SCHIP1: variants seen among roughly 807,000 people sequenced by gnomAD.
The protein encoded by SCHIP1 is schwannomin-interacting protein 1.
In SCHIP1, 8 loss-of-function variants were observed where a neutral mutation model predicts 29.7. The observed-to-expected ratio is 0.27, with a 90% CI of 0.16 to 0.49. The LOEUF (loss-of-function observed/expected upper bound fraction) is 0.49. SCHIP1 is among the 20% of genes least tolerant of loss of function. The pLI, the probability that SCHIP1 is intolerant of heterozygous loss-of-function variation, is 0.99. For synonymous variants in SCHIP1, 76 were observed against 94.9 expected (o/e 0.80, Z 1.16); for missense variants, 193 against 294.6 (o/e 0.66, Z 2.52).
At chr3:159,283,778 A>G in the SCHIP1 span, among the ~76,000 whole-genome samples, 1 of 152,180 alleles carries the variant, frequency 6.6e-6, no homozygotes, top group African/African-American at 2.4e-5. Flanking sequence ...TCAACTGCAA[A>G]TAATACTAAA....
At chr3:159,429,418 T>C in the SCHIP1 span, among the ~76,000 whole-genome samples, 550 of 152,148 alleles carry the variant, frequency 3.6e-3, no homozygotes, top group Non-Finnish European at 6.3e-3. Context: ...CACAGAGAAC[T>C]TTACTTTCCA....
the SCHIP1 span, among the ~76,000 whole-genome samples, chr3:159,310,811 T>C: frequency 6.6e-6 from 1 of 152,170 alleles, no homozygotes; most frequent in Admixed American, 6.5e-5. Flanking sequence ...AATGACATTT[T>C]TTACAATAAA....
chr3:159,718,754 C>T, the SCHIP1 span, among the ~76,000 whole-genome samples: 1 of 152,196 alleles, frequency 6.6e-6, no homozygotes, highest in Non-Finnish European at 1.5e-5. Flanking sequence ...AATGGAAGAA[C>T]ATTCCATGCT....
At chr3:159,848,784 C>T (rs1712182965) in intron 1 of SCHIP1, among the ~76,000 whole-genome samples, 1 of 151,982 alleles carries the variant, frequency 6.6e-6, no homozygotes, top group African/African-American at 2.4e-5. Flanking sequence ...CTTTGAGTAG[C>T]AAAACTCTAG....
chr3:159,606,779 A>G, the SCHIP1 span, among the ~76,000 whole-genome samples: 4 of 152,136 alleles, frequency 2.6e-5, no homozygotes, highest in Non-Finnish European at 5.9e-5. Context: ...TAGGGAAGGA[A>G]CAGAAAAGGT....
the SCHIP1 span, among the ~76,000 whole-genome samples, chr3:159,279,374 T>A: frequency 6.6e-6 from 1 of 152,340 alleles, no homozygotes; most frequent in East Asian, 1.9e-4. Flanking sequence ...TGTGAGTTCA[T>A]GAAACCTCTT....
the SCHIP1 span, among the ~76,000 whole-genome samples, chr3:159,746,108 G>A: frequency 6.6e-6 from 1 of 152,138 alleles, no homozygotes; most frequent in Non-Finnish European, 1.5e-5. Context: ...TTACGTAAAT[G>A]CTTGGACTGT....
the SCHIP1 span, among the ~76,000 whole-genome samples, chr3:159,645,313 A>G: frequency 6.6e-6 from 1 of 152,024 alleles, no homozygotes; most frequent in African/African-American, 2.4e-5. Flanking sequence ...TGCCTATTAC[A>G]CTCACCAACA....
At chr3:159,481,567 TTTTA>T in the SCHIP1 span, among the ~76,000 whole-genome samples, 1 of 152,160 alleles carries the variant, frequency 6.6e-6, no homozygotes, top group Non-Finnish European at 1.5e-5. Context: ...TATTCTGCAT[TTTTA>T]TTTGTTAAAT....
the SCHIP1 span, among the ~76,000 whole-genome samples, chr3:159,329,865 TAG>T: frequency 0.048 from 7,360 of 151,954 alleles, 635 homozygotes; most frequent in African/African-American, 0.17. Context: ...ACAGCACCGT[TAG>T]TATTTTTTTT....
the SCHIP1 span, among the ~76,000 whole-genome samples, chr3:159,403,612 A>G: frequency 5.1e-4 from 78 of 152,344 alleles, no homozygotes; most frequent in African/African-American, 1.8e-3. Flanking sequence ...GACCTAATCA[A>G]GGGGAATTGC....
At chr3:159,469,146 C>A in the SCHIP1 span, among the ~76,000 whole-genome samples, 685 of 152,116 alleles carry the variant, frequency 4.5e-3, 7 homozygotes, top group African/African-American at 0.016. Context: ...AATTTTAGGA[C>A]TTTGCAACCC....
chr3:159,373,957 C>CATATG, the SCHIP1 span, among the ~76,000 whole-genome samples: 11 of 152,144 alleles, frequency 7.2e-5, no homozygotes, highest in African/African-American at 2.7e-4. Context: ...ATTACTGGAT[C>CATATG]ATATGATAAT....
chr3:159,838,699 G>A (rs908577377), upstream of SCHIP1, among the ~76,000 whole-genome samples: 1 of 151,802 alleles, frequency 6.6e-6, no homozygotes, highest in Non-Finnish European at 1.5e-5. Flanking sequence ...GACCATCCTG[G>A]CTAACACGGT....
chr3:159,604,081 G>A, the SCHIP1 span, among the ~76,000 whole-genome samples: 3 of 152,092 alleles, frequency 2.0e-5, no homozygotes, highest in Non-Finnish European at 4.4e-5. Flanking sequence ...AACTTTTGGG[G>A]GACACATTCA....
the SCHIP1 span, among the ~76,000 whole-genome samples, chr3:159,290,295 A>C: frequency 6.6e-6 from 1 of 152,238 alleles, no homozygotes; most frequent in Non-Finnish European, 1.5e-5. Flanking sequence ...TTTTCATGTA[A>C]GAACAGCAGG....
the SCHIP1 span, among the ~76,000 whole-genome samples, chr3:159,288,254 A>C: frequency 6.6e-6 from 1 of 152,232 alleles, no homozygotes; most frequent in African/African-American, 2.4e-5. Context: ...GAATAAAGTT[A>C]CTTTTAGCAA....
chr3:159,754,272 G>C, the SCHIP1 span, among the ~76,000 whole-genome samples: 3 of 152,142 alleles, frequency 2.0e-5, no homozygotes, highest in African/African-American at 7.2e-5. Flanking sequence ...GTATATGAGA[G>C]TTCCTTTGAT....
At chr3:159,839,996 C>T in exon 1 of SCHIP1, 3 of 1,433,762 alleles carry the variant, frequency 2.1e-6, no homozygotes, top group Non-Finnish European at 2.7e-6. Flanking sequence ...AGCTCGCTAG[C>T]TGCGCGCTTC....
Sources: allele counts gnomAD v4.1 joint callset (sites outside exome capture counted in the v4.1 genomes callset), GRCh38; gene constraint gnomAD v4.1.1; transcripts MANE v1.5; gene names NCBI Gene and HGNC (gene_info 2026-07-23, HGNC 2026-07-21).